The following VPS13D variants were observed in gnomAD, a reference collection of about 807,000 sequenced individuals.
VPS13D encodes the protein intermembrane lipid transfer protein VPS13D.
In VPS13D, 187 loss-of-function variants were observed where a neutral mutation model predicts 461.9. The observed-to-expected ratio is 0.40, with a 90% CI of 0.36 to 0.46. VPS13D has a LOEUF of 0.46. VPS13D is among the 20% of genes least tolerant of loss of function. VPS13D has a pLI of 0.60. For synonymous variants in VPS13D, 1,951 were observed against 1,986.3 expected, an observed-to-expected ratio of 0.98 and a Z score of 0.47; for missense variants, 4,711 against 5,364.9, an observed-to-expected ratio of 0.88 and a Z score of 3.81.
At position 12,268,872 on chromosome 1, in the gene VPS13D, C is replaced by T; in HGVS notation, c.1968C>T (p.Thr656=). 6.3e-7 allele frequency: 1 copy of T among 1,599,370 alleles called. No individual in the cohort carries two copies. The highest frequency in any genetic ancestry group is 8.5e-7 in the Non-Finnish European group (1 of 1,176,406). The change falls in exon 16 of 70, where the codon ACC becomes ACT. Residue 656 remains threonine, a synonymous_variant. Transcript: ENST00000620676. ...TTTTCTACAAGGGAAAGGTTCATAC[C>T]TCAGGTTAACTTTTTTGTTTGTTTG... is the stretch of plus-strand genomic sequence containing the variant. ...ADFFYKGKVH[T]SGFGYQSELE...
intron 27 of VPS13D, among the ~76,000 whole-genome samples, chr1:12,310,293 G>A (rs916147312): frequency 6.6e-6 from 1 of 152,276 alleles, no homozygotes; most frequent in Non-Finnish European, 1.5e-5. Flanking sequence ...CTTTGTTATT[G>A]CATCATTGTC....
intron 44 of VPS13D, 127 bp downstream of exon 44, chr1:12,346,779 G>C: frequency 2.2e-6 from 2 of 909,062 alleles, no homozygotes; most frequent in African/African-American, 3.5e-5. Flanking sequence ...ATTTATCTCT[G>C]CCCTTTTCTA....
At chr1:12,230,838 G>T (rs956079012) in intron 1 of VPS13D, among the ~76,000 whole-genome samples, 2 of 152,034 alleles carry the variant, frequency 1.3e-5, no homozygotes, top group African/African-American at 4.8e-5. Context: ...TCCCGGCGCC[G>T]TTCCCTCCAG....
At chr1:12,498,085 T>G (rs2100544254) in intron 68 of VPS13D, among the ~76,000 whole-genome samples, 1 of 152,358 alleles carries the variant, frequency 6.6e-6, no homozygotes, top group East Asian at 1.9e-4. Flanking sequence ...TTCGTTACTC[T>G]TTAAATATGG....
chr1:12,502,475 C>T lies in VPS13D; in HGVS notation c.12795-4378C>T, dbSNP rs1011066171. ...CTGAGGTCCCCTGAAGAGGGCCTGG[C>T]ACTCAGAGCGACACTGGGCCCAGAC... On this transcript the variant is annotated intron_variant, in intron 68 of 69. Coordinates refer to ENST00000620676, the MANE Select transcript of VPS13D (RefSeq NM_015378.4). This position sits in a 1 kb window ranked among gnomAD's most constrained non-coding sequence, Gnocchi z 4.3. Among the ~76,000 whole-genome samples, 1 of 151,992 alleles carries T rather than the reference C, an allele frequency of 6.6e-6. No homozygotes were observed.
rs535423671 is a variant in VPS13D, at chr1:12,283,061, A to G, written c.4959A>G (p.Glu1653=). ...VSLKFQDFEV[E]FSKDHPQTLS... is the part of the protein sequence containing the mutation. The stretch of plus-strand genomic sequence containing the variant: ...TAAAGTTTCAGGACTTTGAGGTGGA[A>G]TTCAGTAAAGACCATCCCCAGACTT... The change falls in exon 21 of 70, where the codon GAA becomes GAG. Residue 1653 remains glutamate (E), a synonymous_variant. Transcript: ENST00000620676. 3 of 1,614,202 alleles carry G rather than the reference A, an allele frequency of 1.9e-6. No homozygotes were observed. The highest frequency in any genetic ancestry group is 3.3e-5 in the Admixed American group (2 of 60,026).
intron 58 of VPS13D, among the ~76,000 whole-genome samples, chr1:12,384,891 G>T (rs943793260): frequency 6.6e-6 from 1 of 152,148 alleles, no homozygotes; most frequent in African/African-American, 2.4e-5. Context: ...AAGTAGCTTG[G>T]ACTACAGGTG....
chr1:12,327,823 T>C lies in VPS13D; in HGVS notation c.8166T>C (p.Cys2722=), dbSNP rs1272259579. 6.2e-7 allele frequency: 1 copy of C among 1,614,166 alleles called. No homozygotes were observed. Among genetic ancestry groups the C allele is most frequent in the South Asian group, 1.1e-5 (1 of 91,078 alleles). ...CICFIDDCMD[C]DVPLAELTFS... ...GTTTCATCGATGACTGCATGGATTG[T>C]GATGTTCCTCTCGCTGAACTCACCT... The change falls in exon 36 of 70, where the codon TGT becomes TGC. Residue 2722 remains cysteine, a synonymous_variant. Coordinates refer to ENST00000620676, the MANE Select transcript of VPS13D (RefSeq NM_015378.4).
chr1:12,290,990 A>T lies in VPS13D; in HGVS notation c.5726-8A>T. 1.3e-6 allele frequency: 2 copies of T among 1,596,958 alleles called. No homozygotes were observed. The highest frequency in any genetic ancestry group is 1.7e-6 in the Non-Finnish European group (2 of 1,175,210). The stretch of plus-strand genomic sequence containing the variant: ...CATAGTAATGTGTTCTAACTTTATC[A>T]TCCCTAGAGGGAGACCTGGCCTTAC... On this transcript the variant is annotated splice_polypyrimidine_tract_variant and splice_region_variant and intron_variant, in intron 22 of 69. Transcript: ENST00000620676.
chr1:12,500,287 T>C (rs1174384400), intron 68 of VPS13D: 18 of 927,366 alleles, frequency 1.9e-5, no homozygotes, highest in Non-Finnish European at 2.3e-5. Flanking sequence ...CTCTGATAAG[T>C]TGCACAATTG....
intron 63 of VPS13D, among the ~76,000 whole-genome samples, chr1:12,413,856 A>G (rs1644762549): frequency 6.6e-6 from 1 of 152,108 alleles, no homozygotes; most frequent in Non-Finnish European, 1.5e-5. Context: ...TAGACTGCTG[A>G]ATGGAGCATA....
intron 26 of VPS13D, among the ~76,000 whole-genome samples, chr1:12,307,638 G>A (rs919033617): frequency 2.6e-5 from 4 of 151,910 alleles, no homozygotes; most frequent in African/African-American, 7.3e-5. Flanking sequence ...GGATTTGGGC[G>A]CCCAACACCA....
At chr1:12,314,400 T>G in intron 30 of VPS13D, 73 bp downstream of exon 30, 4 of 1,482,418 alleles carry the variant, frequency 2.7e-6, no homozygotes, top group Non-Finnish European at 3.7e-6. Context: ...TTGTTGGCTT[T>G]AGAACATCAA....
At chr1:12,381,295 CT>C (rs1644268741) in intron 57 of VPS13D, among the ~76,000 whole-genome samples, 1 of 152,154 alleles carries the variant, frequency 6.6e-6, no homozygotes, top group Non-Finnish European at 1.5e-5. Flanking sequence ...GTGTTGAAAC[CT>C]GTACTATAAA....
chr1:12,375,772 C>G (rs1302224306), intron 55 of VPS13D, among the ~76,000 whole-genome samples: 1 of 152,226 alleles, frequency 6.6e-6, no homozygotes, highest in African/African-American at 2.4e-5. Flanking sequence ...AGCCCCTGCT[C>G]TGGGCTGCCC....
At chr1:12,329,721 T>G (rs1643281342) in intron 36 of VPS13D, 108 bp from the exon 37 acceptor site, 1 of 726,152 alleles carries the variant, frequency 1.4e-6, no homozygotes, top group Non-Finnish European at 2.4e-6. Context: ...GAATGTTGTG[T>G]GCTCTCCTTT....
chr1:12,290,714 C>G (rs1569821214), intron 22 of VPS13D, among the ~76,000 whole-genome samples: 1 of 148,038 alleles, frequency 6.8e-6, no homozygotes, highest in African/African-American at 2.5e-5. Context: ...CAGAGCTAGA[C>G]TCTGTCTAAA....
chr1:12,298,805 T>TGGAAGCTTCC (rs1642345228), intron 24 of VPS13D, among the ~76,000 whole-genome samples: 1 of 152,204 alleles, frequency 6.6e-6, no homozygotes, highest in Non-Finnish European at 1.5e-5. Flanking sequence ...TCCAGCTTCT[T>TGGAAGCTTCC]AAGGTGGAAG....
chr1:12,314,961 C>CCA (rs946562290), intron 30 of VPS13D, among the ~76,000 whole-genome samples: 1 of 152,194 alleles, frequency 6.6e-6, no homozygotes, highest in Non-Finnish European at 1.5e-5. Context: ...TTACCTATAC[C>CCA]CACCTCATGG....
Sources: allele counts gnomAD v4.1 joint callset (sites outside exome capture counted in the v4.1 genomes callset), GRCh38; gene constraint gnomAD v4.1.1; non-coding constraint Gnocchi (gnomAD v3.1); transcripts MANE v1.5; gene names NCBI Gene and HGNC (gene_info 2026-07-23, HGNC 2026-07-21).